PCNX2: variants seen among roughly 807,000 people sequenced by gnomAD.
The protein encoded by PCNX2 is pecanex 2.
Under a neutral mutation model 223.8 loss-of-function variants are expected in PCNX2, and 168 were observed. That is an observed-to-expected ratio of 0.75 (90% CI 0.66 to 0.85). PCNX2 has a LOEUF of 0.85. Ranked by LOEUF, PCNX2 falls within the 40% of genes least tolerant of loss-of-function variation. PCNX2 has a pLI of 0.00. For synonymous variants in PCNX2, 1,006 were observed against 1,052.6 expected (o/e 0.96, Z 0.86); for missense variants, 2,507 against 2,675.5 (o/e 0.94, Z 1.39).
At chr1:232,999,683 A>C in intron 30 of PCNX2, 1 of 289,028 alleles carries the variant, frequency 3.5e-6, no homozygotes, top group Non-Finnish European at 6.5e-6. Flanking sequence ...CGAACTCTTG[A>C]CCTCAGGTGA....
At chr1:233,180,714 C>G (rs1385692076) in intron 15 of PCNX2, 1 of 152,056 alleles carries the variant, frequency 6.6e-6, no homozygotes, top group Non-Finnish European at 1.5e-5. Context: ...TTTATCTTCC[C>G]CATTGTGGAA....
chr1:233,252,071 G>A (rs1433026491), intron 7 of PCNX2, among the ~76,000 whole-genome samples: 1 of 152,236 alleles, frequency 6.6e-6, no homozygotes, highest in Non-Finnish European at 1.5e-5. Context: ...AACAAAAACT[G>A]ATGAAACTGA....
intron 19 of PCNX2, among the ~76,000 whole-genome samples, chr1:233,140,646 C>T (rs1677050054): frequency 6.6e-6 from 1 of 152,230 alleles, no homozygotes; most frequent in Admixed American, 6.5e-5. Flanking sequence ...GCTTGCCCAT[C>T]TGGGGAGCCC....
At chr1:233,177,525 C>T (rs1284580654) in intron 17 of PCNX2, among the ~76,000 whole-genome samples, 2 of 152,156 alleles carry the variant, frequency 1.3e-5, no homozygotes, top group Non-Finnish European at 1.5e-5. Context: ...AAACTGCTGG[C>T]GAGTGTACCC....
intron 28 of PCNX2, among the ~76,000 whole-genome samples, chr1:233,009,729 T>C (rs1458341801): frequency 6.6e-6 from 1 of 152,196 alleles, no homozygotes; most frequent in Non-Finnish European, 1.5e-5. Flanking sequence ...TGGTTTGCGA[T>C]GGAGCTTGGG....
chr1:233,137,028 T>C (rs181516004), intron 20 of PCNX2, among the ~76,000 whole-genome samples: 1 of 152,316 alleles, frequency 6.6e-6, no homozygotes, highest in African/African-American at 2.4e-5. Context: ...CTTTATAACA[T>C]TGCAATAGTA....
chr1:233,250,895 C>T (rs1413733777), intron 7 of PCNX2, 63 bp from the exon 8 acceptor site: 8 of 1,482,506 alleles, frequency 5.4e-6, no homozygotes, highest in Non-Finnish European at 6.3e-6. Context: ...ATCGTTTCAA[C>T]TTATACAATT....
intron 19 of PCNX2, among the ~76,000 whole-genome samples, chr1:233,157,333 G>A (rs1250066856): frequency 6.6e-6 from 1 of 152,136 alleles, no homozygotes; most frequent in Non-Finnish European, 1.5e-5. Context: ...TCTGTCCCTA[G>A]GCTTCAGTTT....
At chr1:233,084,707 A>C (rs1673517396) in intron 23 of PCNX2, among the ~76,000 whole-genome samples, 1 of 152,222 alleles carries the variant, frequency 6.6e-6, no homozygotes, top group South Asian at 2.1e-4. Context: ...CATTTGTTTC[A>C]TGTTAATGAC....
At chr1:233,082,175 T>A (rs1220195624) in intron 23 of PCNX2, among the ~76,000 whole-genome samples, 1 of 152,112 alleles carries the variant, frequency 6.6e-6, no homozygotes, top group East Asian at 1.9e-4. Flanking sequence ...ATCTGTCAAA[T>A]AAGAAAAATG....
intron 15 of PCNX2, among the ~76,000 whole-genome samples, chr1:233,194,973 C>T (rs768510556): frequency 1.3e-4 from 19 of 148,050 alleles, no homozygotes; most frequent in African/African-American, 3.5e-4. Flanking sequence ...GCCAAGATCA[C>T]GCTGCCGCAC....
intron 32 of PCNX2, among the ~76,000 whole-genome samples, chr1:232,987,890 C>T (rs531069425): frequency 1.3e-5 from 2 of 152,184 alleles, no homozygotes; most frequent in Non-Finnish European, 2.9e-5. Flanking sequence ...CTCACTTTCT[C>T]CTGCCCGTGT....
At chr1:233,046,595 C>T (rs187524236) in intron 25 of PCNX2, among the ~76,000 whole-genome samples, 17 of 152,212 alleles carry the variant, frequency 1.1e-4, no homozygotes, top group African/African-American at 3.6e-4. Context: ...TTTCTCAAGA[C>T]GTTGCTATGG....
intron 1 of PCNX2, among the ~76,000 whole-genome samples, chr1:233,269,352 G>A (rs1660512098): frequency 6.6e-6 from 1 of 152,210 alleles, no homozygotes; most frequent in South Asian, 2.1e-4. Context: ...AAGGGAAAAT[G>A]AGGAATGAAC....
rs372983031 is a variant in PCNX2, at chr1:233,048,472, A to G, written c.4351+5796T>C. Among the ~76,000 whole-genome samples the G allele has an allele frequency of 8.5e-5, 13 of 152,350 alleles. No individual in the cohort carries two copies. In the East Asian group the frequency reaches 2.1e-3, roughly 25 times the overall value. The stretch of plus-strand genomic sequence containing the variant: ...CTCTGTCTTATAAACAAATAAAAAC[A>G]GAGACACAACATACCAAAATTTCTG... On this transcript the variant is annotated intron_variant, in intron 25 of 33. Coordinates refer to ENST00000258229, the MANE Select transcript of PCNX2 (RefSeq NM_014801.4).
chr1:233,017,568 G>A (rs1248581826), intron 26 of PCNX2, among the ~76,000 whole-genome samples: 1 of 151,780 alleles, frequency 6.6e-6, no homozygotes, highest in East Asian at 2.0e-4. Flanking sequence ...CGCCCGCCTT[G>A]GCCTCCCAAA....
intron 21 of PCNX2, among the ~76,000 whole-genome samples, chr1:233,131,568 T>C (rs1676509853): frequency 6.6e-6 from 1 of 152,182 alleles, no homozygotes; most frequent in Admixed American, 6.5e-5. Flanking sequence ...TTCTTTTTCA[T>C]CAGAGAATAA....
At chr1:233,039,320 C>T (rs1671565382) in intron 25 of PCNX2, among the ~76,000 whole-genome samples, 1 of 152,130 alleles carries the variant, frequency 6.6e-6, no homozygotes, top group South Asian at 2.1e-4. Context: ...TCAGTCACAT[C>T]TAGGTGTTCA....
At chr1:233,292,824 G>C (rs1168672024) in intron 1 of PCNX2, among the ~76,000 whole-genome samples, 1 of 152,000 alleles carries the variant, frequency 6.6e-6, no homozygotes, top group African/African-American at 2.4e-5. Flanking sequence ...AATAACGCAG[G>C]CTATATATTA....
Sources: gnomAD v4.1 joint callset for allele counts (sites outside exome capture counted in the v4.1 genomes callset) on GRCh38, gnomAD v4.1.1 for gene constraint, MANE v1.5 for transcripts, NCBI Gene and HGNC (gene_info 2026-07-23, HGNC 2026-07-21) for gene names.